CFAP77: variants seen among roughly 807,000 people sequenced by gnomAD.
CFAP77 encodes the protein cilia- and flagella-associated protein 77.
CFAP77 carries 25 observed loss-of-function variants against 31.1 expected under a neutral mutation model. The observed-to-expected ratio is 0.80, with a 90% confidence interval of 0.59 to 1.12. CFAP77 has a LOEUF of 1.12. Ranked by LOEUF, CFAP77 falls within the 50% of genes most tolerant of loss-of-function variation. The pLI, the probability that CFAP77 is intolerant of heterozygous loss-of-function variation, is 0.00. For synonymous variants in CFAP77, 151 were observed against 159.9 expected (o/e 0.94, Z 0.42); for missense variants, 377 against 397.3 (o/e 0.95, Z 0.44).
intron 1 of CFAP77, among the ~76,000 whole-genome samples, chr9:132,470,671 T>C (rs551469567): frequency 3.4e-4 from 52 of 152,362 alleles, no homozygotes; most frequent in Non-Finnish European, 6.6e-4. Flanking sequence ...AGTAGAGCCA[T>C]CGCAGGCTCT....
At position 132,565,545 on chromosome 9, in the gene CFAP77, C is replaced by T. The variant is rs953090897; in HGVS notation, c.733-6843C>T. 6.6e-6 allele frequency among the ~76,000 whole-genome samples: 1 copy of T among 151,938 alleles called. No homozygotes were observed. Among genetic ancestry groups the T allele is most frequent in the African/African-American group, 2.4e-5 (1 of 41,350 alleles). ...ACTCGGGAGGCTGAGGAAGGAGGATCGCTTGAACCCGGGAGGCAGAGTTTG... is the reference window on the plus strand; with the variant it reads ...ACTCGGGAGGCTGAGGAAGGAGGATTGCTTGAACCCGGGAGGCAGAGTTTG... On this transcript the variant is annotated intron_variant, in intron 5 of 5. Coordinates refer to ENST00000393216, the MANE Select transcript of CFAP77 (RefSeq NM_001282957.2). The surrounding 1 kb of genome is among the most constrained non-coding windows in gnomAD (Gnocchi z 4.1).
Position 132,545,086 on chromosome 9 carries a change from C to G in CFAP77, c.732+2039C>G, listed in dbSNP as rs1852711629. 6.6e-6 allele frequency among the ~76,000 whole-genome samples: 1 copy of G among 152,248 alleles called. No homozygotes were observed. Among genetic ancestry groups the G allele is most frequent in the South Asian group, 2.1e-4 (1 of 4,832 alleles). On this transcript the variant is annotated intron_variant, in intron 5 of 5. Coordinates refer to ENST00000393216, the MANE Select transcript of CFAP77 (RefSeq NM_001282957.2). This position sits in a 1 kb window ranked among gnomAD's most constrained non-coding sequence, Gnocchi z 4.6. ...TCTCACTCACCTGTGTCCCACGGCG[C>G]CTGGCCCCAAGTAGGAGCTAAATGC...
chr9:132,533,135 G>A (rs931415997), intron 3 of CFAP77, among the ~76,000 whole-genome samples: 5 of 152,214 alleles, frequency 3.3e-5, no homozygotes, highest in South Asian at 2.1e-4. Flanking sequence ...GGCGCCCTAC[G>A]TGACTGAATC....
chr9:132,470,291 G>T (rs192704465), intron 1 of CFAP77, among the ~76,000 whole-genome samples: 1 of 152,210 alleles, frequency 6.6e-6, no homozygotes, highest in Non-Finnish European at 1.5e-5. Context: ...ATGCTAGGAG[G>T]GAAGTGCCCT....
At chr9:132,458,342 C>CGGGG (rs1554738844) in intron 1 of CFAP77, among the ~76,000 whole-genome samples, 2 of 71,206 alleles carry the variant, frequency 2.8e-5, no homozygotes, top group African/African-American at 1.1e-4. Context: ...GTCTCCCTGG[C>CGGGG]GGGGGAGGGG....
chr9:132,520,834 C>G (rs777420679), intron 3 of CFAP77, among the ~76,000 whole-genome samples: 1 of 152,192 alleles, frequency 6.6e-6, no homozygotes, highest in Non-Finnish European at 1.5e-5. Context: ...GGCCAGCCCT[C>G]CATTCCTCTC....
chr9:132,428,346 C>T (rs1248486084), intron 1 of CFAP77, among the ~76,000 whole-genome samples: 1 of 151,948 alleles, frequency 6.6e-6, no homozygotes, highest in Non-Finnish European at 1.5e-5. Flanking sequence ...AGGAGCCGGG[C>T]ACAGTGGCTC....
At chr9:132,513,232 A>G (rs1266574853) in intron 3 of CFAP77, 10 of 1,538,184 alleles carry the variant, frequency 6.5e-6, no homozygotes, top group Non-Finnish European at 8.8e-6. Context: ...AAACATTTTA[A>G]CCAATCCTTT....
intron 1 of CFAP77, among the ~76,000 whole-genome samples, chr9:132,491,741 A>T (rs2118939973): frequency 6.6e-6 from 1 of 152,290 alleles, no homozygotes; most frequent in East Asian, 1.9e-4. Flanking sequence ...TGGATAACTC[A>T]CATTTACATC....
chr9:132,461,911 C>A (rs200024994), intron 1 of CFAP77, among the ~76,000 whole-genome samples: 2 of 152,184 alleles, frequency 1.3e-5, no homozygotes, highest in East Asian at 3.8e-4. Flanking sequence ...TTTTTAAACG[C>A]CCCAAGGGTC....
At chr9:132,503,258 TC>T (rs1295616508) in intron 3 of CFAP77, among the ~76,000 whole-genome samples, 1 of 152,186 alleles carries the variant, frequency 6.6e-6, no homozygotes, top group Non-Finnish European at 1.5e-5. Context: ...TCTTCTCAGC[TC>T]CCAACACATG....
At chr9:132,482,606 C>G (rs888350859) in intron 1 of CFAP77, among the ~76,000 whole-genome samples, 1 of 152,020 alleles carries the variant, frequency 6.6e-6, no homozygotes, top group African/African-American at 2.4e-5. Flanking sequence ...TGATGGGAAA[C>G]TGAGACTCCG....
Position 132,498,912 on chromosome 9 carries a change from C to G in CFAP77, c.295+118C>G, listed in dbSNP as rs890321853. ...GCTGGTTGGGTGCTGGAGAAAGACC[C>G]AGGGACCGCCAGCCTGGGCAGCTGA... On this transcript the variant is annotated intron_variant, in intron 2 of 5. Transcript: ENST00000393216. The surrounding 1 kb of genome is among the most constrained non-coding windows in gnomAD (Gnocchi z 4.2). The G allele has an allele frequency of 1.4e-6, 1 of 715,542 alleles. No homozygotes were observed. Among genetic ancestry groups the G allele is most frequent in the African/African-American group, 1.8e-5 (1 of 56,434 alleles). The allele number at this position is 715,542 out of a possible 1,614,324, so 44.3% of individuals were successfully genotyped here.
At chr9:132,462,998 G>A (rs1020635269) in intron 1 of CFAP77, among the ~76,000 whole-genome samples, 3 of 152,074 alleles carry the variant, frequency 2.0e-5, no homozygotes, top group Admixed American at 6.5e-5. Flanking sequence ...GTATTATTGC[G>A]GAGCACCTAG....
intron 3 of CFAP77, among the ~76,000 whole-genome samples, chr9:132,509,280 A>G (rs1851990174): frequency 6.6e-6 from 1 of 152,168 alleles, no homozygotes; most frequent in East Asian, 1.9e-4. Flanking sequence ...GGCAGCTTAC[A>G]CCAGGACCCT....
intron 5 of CFAP77, among the ~76,000 whole-genome samples, chr9:132,547,551 G>T (rs1374522122): frequency 6.6e-6 from 1 of 152,216 alleles, no homozygotes; most frequent in Non-Finnish European, 1.5e-5. Flanking sequence ...CTGGCGAACA[G>T]GCCAGACTCG....
chr9:132,479,340 CACCATTGTTCATCCT>C (rs1293293187), intron 1 of CFAP77, among the ~76,000 whole-genome samples: 2 of 152,094 alleles, frequency 1.3e-5, no homozygotes, highest in East Asian at 1.9e-4. Flanking sequence ...TAGTTCATCC[CACCATTGTTCATCCT>C]ACCATCGTGC....
intron 1 of CFAP77, among the ~76,000 whole-genome samples, chr9:132,413,744 G>A (rs1289056877): frequency 6.6e-6 from 1 of 152,206 alleles, no homozygotes; most frequent in Non-Finnish European, 1.5e-5. Flanking sequence ...TGGATCTTCT[G>A]TCTCCCTGGA....
chr9:132,520,700 G>A (rs1852249698), intron 3 of CFAP77, among the ~76,000 whole-genome samples: 1 of 152,182 alleles, frequency 6.6e-6, no homozygotes, highest in Non-Finnish European at 1.5e-5. Flanking sequence ...CTCAGTCAGT[G>A]CCTTCCCCTG....
Sources: gnomAD v4.1 joint callset for allele counts (sites outside exome capture counted in the v4.1 genomes callset) on GRCh38, gnomAD v4.1.1 for gene constraint, Gnocchi (gnomAD v3.1) non-coding constraint, MANE v1.5 for transcripts, NCBI Gene and HGNC (gene_info 2026-07-23, HGNC 2026-07-21) for gene names.